MMP26: variants seen among roughly 807,000 people sequenced by gnomAD.
MMP26 encodes matrix metallopeptidase 26.
In MMP26, 33 loss-of-function variants were observed where a neutral mutation model predicts 31.0. The observed-to-expected ratio is 1.06, with a 90% CI of 0.81 to 1.42. The LOEUF (loss-of-function observed/expected upper bound fraction) is 1.42. Among genes scored for constraint, MMP26 ranks in the 40% most tolerant of loss-of-function variants. The pLI is 0.00. For missense variants in MMP26, 347 were observed against 316.1 expected, an observed-to-expected ratio of 1.10 and a Z score of -0.74; for synonymous variants, 122 against 114.9, an observed-to-expected ratio of 1.06 and a Z score of -0.40.
At chr11:4,809,723 C>T (rs1228288637) in intron 2 of MMP26, among the ~76,000 whole-genome samples, 1 of 152,206 alleles carries the variant, frequency 6.6e-6, no homozygotes, top group African/African-American at 2.4e-5. Flanking sequence ...CTGGAGGACA[C>T]AGTGGAAGCA....
intron 2 of MMP26, among the ~76,000 whole-genome samples, chr11:4,942,089 CAAAAAA>C (rs201626472): frequency 8.1e-5 from 3 of 37,116 alleles, no homozygotes; most frequent in Admixed American, 2.7e-4. Flanking sequence ...GAGTCCATCT[CAAAAAA>C]AAAAAAAAAA....
At chr11:4,923,546 CGATGCACAA>C (rs775072136) in intron 2 of MMP26, 1 of 1,613,936 alleles carries the variant, frequency 6.2e-7, no homozygotes, top group Non-Finnish European at 8.5e-7. Context: ...TTCACCAAAG[CGATGCACAA>C]GAGACAAGCC....
In MMP26 at chr11:4,816,021, G is replaced by A. The variant is rs540226167; in HGVS notation, c.-145+48680G>A. On this transcript the variant is annotated intron_variant, in intron 2 of 7. Transcript: ENST00000380390. ...GATGTAGGCATTTATTGCTATAAAC[G>A]TCCCTCCCATACCGCTTTTGCTGTC... Among the ~76,000 whole-genome samples, 7 of 152,178 alleles carry A rather than the reference G, an allele frequency of 4.6e-5. No homozygotes were observed. The South Asian group carries it at 8.3e-4, about 18-fold the overall frequency.
intron 1 of MMP26, among the ~76,000 whole-genome samples, chr11:4,730,613 G>A (rs1260458691): frequency 6.6e-6 from 1 of 152,142 alleles, no homozygotes; most frequent in Non-Finnish European, 1.5e-5. Flanking sequence ...CATAATGTAC[G>A]ATAGTATGCA....
intron 1 of MMP26, chr11:4,711,971 C>G (rs543076402): frequency 6.6e-6 from 1 of 152,046 alleles, no homozygotes; most frequent in Non-Finnish European, 1.5e-5. Context: ...CTTTCAGGTG[C>G]TGTTAATAAA....
chr11:4,800,470 C>G (rs1849165990), intron 2 of MMP26, among the ~76,000 whole-genome samples: 2 of 152,114 alleles, frequency 1.3e-5, no homozygotes, highest in Non-Finnish European at 2.9e-5. Flanking sequence ...TAGGCCTGGC[C>G]CCCAAAACCA....
chr11:4,811,526 C>T (rs1165586245), intron 2 of MMP26, among the ~76,000 whole-genome samples: 1 of 152,140 alleles, frequency 6.6e-6, no homozygotes, highest in Non-Finnish European at 1.5e-5. Context: ...CATGTTGCTG[C>T]AAAATACATG....
At chr11:4,724,577 A>G (rs777773705) in intron 1 of MMP26, among the ~76,000 whole-genome samples, 3 of 152,244 alleles carry the variant, frequency 2.0e-5, no homozygotes, top group African/African-American at 4.8e-5. Flanking sequence ...AATGGTTTGG[A>G]AGCAAAAATT....
intron 2 of MMP26, among the ~76,000 whole-genome samples, chr11:4,823,883 C>A (rs1269990293): frequency 6.6e-6 from 1 of 152,070 alleles, no homozygotes; most frequent in Non-Finnish European, 1.5e-5. Context: ...TTCATAACTC[C>A]ATTAATCACT....
intron 2 of MMP26, among the ~76,000 whole-genome samples, chr11:4,902,542 T>C (rs1282865357): frequency 6.6e-6 from 1 of 152,200 alleles, no homozygotes; most frequent in Non-Finnish European, 1.5e-5. Context: ...GTTGGTTTCA[T>C]GTCTTTGCTA....
At chr11:4,989,400 T>G (rs1349306709) in intron 3 of MMP26, among the ~76,000 whole-genome samples, 3 of 152,178 alleles carry the variant, frequency 2.0e-5, no homozygotes, top group African/African-American at 7.2e-5. Flanking sequence ...ACTTGGAAGC[T>G]TTTTCTTTTA....
At chr11:4,979,521 G>A (rs182444262) in intron 2 of MMP26, among the ~76,000 whole-genome samples, 4 of 152,216 alleles carry the variant, frequency 2.6e-5, no homozygotes, top group Admixed American at 2.6e-4. Context: ...TCAATCCTTA[G>A]TTTAATGAGT....
At chr11:4,869,255 GA>G (rs199771858) in intron 2 of MMP26, among the ~76,000 whole-genome samples, 2,520 of 152,210 alleles carry the variant, frequency 0.017, 78 homozygotes, top group African/African-American at 0.058. Context: ...CACAGCAAAA[GA>G]AACTACCATC....
At chr11:4,769,518 A>G in intron 2 of MMP26, 1 of 1,613,886 alleles carries the variant, frequency 6.2e-7, no homozygotes, top group African/African-American at 1.3e-5. Context: ...ATGGTAGTGT[A>G]CCTCAGAGGG....
intron 2 of MMP26, among the ~76,000 whole-genome samples, chr11:4,773,612 T>G (rs1848754599): frequency 6.6e-6 from 1 of 150,626 alleles, no homozygotes; most frequent in Non-Finnish European, 1.5e-5. Flanking sequence ...TTTTTTTTTT[T>G]GCTAATTGGT....
chr11:4,975,206 G>T (rs750194763), intron 2 of MMP26, among the ~76,000 whole-genome samples: 2 of 151,976 alleles, frequency 1.3e-5, no homozygotes, highest in Non-Finnish European at 2.9e-5. Context: ...AAAAAATCAG[G>T]CAAGTGTTAA....
chr11:4,824,184 A>T lies in MMP26; in HGVS notation c.-145+56843A>T, dbSNP rs185076551. On this transcript the variant is annotated intron_variant, in intron 2 of 7. Coordinates refer to ENST00000380390, the MANE Select transcript of MMP26 (RefSeq NM_021801.5). ...ACTGTATACATGAAGTGACTTAAAT[A>T]TTTAAACAGGTTAAGGGATCATGAC... 5.9e-5 allele frequency among the ~76,000 whole-genome samples: 9 copies of T among 152,240 alleles called. No individual in the cohort carries two copies. In the East Asian group the frequency reaches 1.5e-3, roughly 26 times the overall value.
At chr11:4,769,762 A>G in intron 2 of MMP26, 1 of 1,613,970 alleles carries the variant, frequency 6.2e-7, no homozygotes, top group Non-Finnish European at 8.5e-7. Flanking sequence ...TCTGCTGGGT[A>G]ATGATGACAA....
intron 2 of MMP26, chr11:4,915,202 C>T: frequency 6.2e-7 from 1 of 1,613,940 alleles, no homozygotes; most frequent in East Asian, 2.2e-5. Context: ...CACTACGACC[C>T]AGAGAGACCA....
Sources: allele counts gnomAD v4.1 joint callset (sites outside exome capture counted in the v4.1 genomes callset), GRCh38; gene constraint gnomAD v4.1.1; transcripts MANE v1.5; gene names NCBI Gene and HGNC (gene_info 2026-07-23, HGNC 2026-07-21).